DRC9: variants seen among roughly 807,000 people sequenced by gnomAD.
DRC9 encodes the protein dynein regulatory complex protein 9.
the DRC9 span, among the ~76,000 whole-genome samples, chr3:197,900,770 T>C: frequency 6.6e-6 from 1 of 151,920 alleles, no homozygotes; most frequent in South Asian, 2.1e-4. The surrounding 1 kb of genome is among the most constrained non-coding windows in gnomAD (Gnocchi z 4.7). Context: ...AGAATAGGGC[T>C]CTGGGCAGAG....
At chr3:197,900,217 A>G in the DRC9 span, among the ~76,000 whole-genome samples, 1 of 152,162 alleles carries the variant, frequency 6.6e-6, no homozygotes, top group South Asian at 2.1e-4. This position sits in a 1 kb window ranked among gnomAD's most constrained non-coding sequence, Gnocchi z 4.7. Context: ...GACCCTCTAC[A>G]ACCCTTACGC....
the DRC9 span, among the ~76,000 whole-genome samples, chr3:197,923,482 G>A: frequency 1.3e-5 from 2 of 152,050 alleles, no homozygotes; most frequent in Non-Finnish European, 2.9e-5. Context: ...TCATCCTAGC[G>A]TTATGGGGGG....
At chr3:197,936,433 C>T in the DRC9 span, among the ~76,000 whole-genome samples, 5 of 152,106 alleles carry the variant, frequency 3.3e-5, no homozygotes, top group African/African-American at 4.8e-5. Flanking sequence ...GGCACAATCA[C>T]GGCTCACTGC....
chr3:197,889,123 A>T, the DRC9 span: 1 of 161,550 alleles, frequency 6.2e-6, no homozygotes, highest in African/African-American at 2.4e-5. Context: ...TGCTGTGTAT[A>T]TATTATGCTG....
the DRC9 span, chr3:197,889,785 G>A: frequency 5.1e-6 from 8 of 1,557,670 alleles, no homozygotes; most frequent in African/African-American, 5.4e-5. Flanking sequence ...CACATAAAGG[G>A]ACTGTTGAAT....
chr3:197,899,225 A>G, the DRC9 span, among the ~76,000 whole-genome samples: 1 of 152,232 alleles, frequency 6.6e-6, no homozygotes, highest in African/African-American at 2.4e-5. Context: ...AGGAATAGAT[A>G]ATGTTTTCAC....
At chr3:197,905,225 G>A in the DRC9 span, among the ~76,000 whole-genome samples, 13 of 152,092 alleles carry the variant, frequency 8.5e-5, no homozygotes, top group Admixed American at 3.9e-4. Context: ...AGAACCAAAC[G>A]CGTGTAATGA....
chr3:197,949,381 G>A, the DRC9 span: 3 of 152,214 alleles, frequency 2.0e-5, no homozygotes, highest in South Asian at 2.1e-4. Context: ...ACTAGGTGCG[G>A]ACACGAGGCA....
the DRC9 span, among the ~76,000 whole-genome samples, chr3:197,941,147 C>G: frequency 6.7e-6 from 1 of 150,266 alleles, no homozygotes; most frequent in Non-Finnish European, 1.5e-5. Context: ...TCCTTCCTTC[C>G]CTCCCTCCCT....
the DRC9 span, chr3:197,959,994 C>A: frequency 3.6e-6 from 2 of 560,058 alleles, no homozygotes; most frequent in Non-Finnish European, 6.3e-6. Context: ...CGCCCGCTAG[C>A]CTTTCTTCCT....
the DRC9 span, chr3:197,889,557 A>C: frequency 6.2e-7 from 1 of 1,614,124 alleles, no homozygotes; most frequent in Non-Finnish European, 8.5e-7. Context: ...GAATACCAGC[A>C]GAAAACACAA....
the DRC9 span, chr3:197,914,052 A>G: frequency 6.2e-7 from 1 of 1,612,804 alleles, no homozygotes; most frequent in Non-Finnish European, 8.5e-7. Context: ...TCTGTAGTGG[A>G]AAGACCAGGT....
At chr3:197,939,106 CG>C in the DRC9 span, 3 of 250,790 alleles carry the variant, frequency 1.2e-5, no homozygotes, top group South Asian at 5.5e-5. Flanking sequence ...TTTCTAGGGT[CG>C]GGGGGACAGT....
At chr3:197,956,108 C>T in the DRC9 span, 1 of 310,398 alleles carries the variant, frequency 3.2e-6, no homozygotes, top group Non-Finnish European at 6.2e-6. Flanking sequence ...AGGCTCATGC[C>T]ACCATCCCTG....
the DRC9 span, chr3:197,938,633 T>G: frequency 1.9e-6 from 3 of 1,614,236 alleles, no homozygotes; most frequent in Admixed American, 3.3e-5. Context: ...TGCATTTTGT[T>G]AAACTCCACA....
At chr3:197,925,826 C>T in the DRC9 span, among the ~76,000 whole-genome samples, 3 of 152,180 alleles carry the variant, frequency 2.0e-5, no homozygotes, top group East Asian at 1.9e-4. Flanking sequence ...TCAGGAGATC[C>T]GCCCGCCTCA....
chr3:197,947,509 C>G, the DRC9 span, among the ~76,000 whole-genome samples: 1 of 152,216 alleles, frequency 6.6e-6, no homozygotes, highest in African/African-American at 2.4e-5. Flanking sequence ...TTCAGTTCTT[C>G]TCTGGACTCA....
the DRC9 span, among the ~76,000 whole-genome samples, chr3:197,893,741 G>A: frequency 3.8e-4 from 58 of 151,450 alleles, no homozygotes; most frequent in East Asian, 9.9e-3. Context: ...CCAGCTACTC[G>A]GGAGGCTGAG....
chr3:197,935,598 G>A, the DRC9 span, among the ~76,000 whole-genome samples: 2 of 151,852 alleles, frequency 1.3e-5, no homozygotes, highest in African/African-American at 4.8e-5. Context: ...GTCCTCCCCC[G>A]CCTCAGCCTC....
Sources: gnomAD v4.1 joint callset for allele counts (sites outside exome capture counted in the v4.1 genomes callset) on GRCh38, gnomAD v4.1.1 for gene constraint, Gnocchi (gnomAD v3.1) non-coding constraint, MANE v1.5 for transcripts, NCBI Gene and HGNC (gene_info 2026-07-23, HGNC 2026-07-21) for gene names.